The following PLCXD3 variants were observed in gnomAD, a reference collection of about 807,000 sequenced individuals.
PLCXD3 encodes PI-PLC X domain-containing protein 3.
Under a neutral mutation model 25.5 loss-of-function variants are expected in PLCXD3, and 19 were observed. The ratio of observed to expected loss-of-function variants is 0.75; its 90% CI spans 0.52 to 1.09. The LOEUF (loss-of-function observed/expected upper bound fraction) is 1.09. PLCXD3 is among the 50% of genes least tolerant of loss of function. The probability of loss-of-function intolerance (pLI) is 0.00; values close to 1 mark genes in which losing one functional copy is unlikely to be tolerated. For synonymous variants in PLCXD3, 174 were observed against 137.6 expected (o/e 1.26, Z -1.85); for missense variants, 411 against 388.1 (o/e 1.06, Z -0.50).
At chr5:41,362,511 T>G (rs1357623489) in intron 2 of PLCXD3, among the ~76,000 whole-genome samples, 1 of 152,216 alleles carries the variant, frequency 6.6e-6, no homozygotes, top group African/African-American at 2.4e-5. Flanking sequence ...AATATGTCTA[T>G]TATAGTCATG....
intron 2 of PLCXD3, among the ~76,000 whole-genome samples, chr5:41,361,670 AG>A (rs1744783558): frequency 6.6e-6 from 1 of 152,232 alleles, no homozygotes; most frequent in African/African-American, 2.4e-5. Flanking sequence ...GATAAATAAA[AG>A]GATGAATAAA....
chr5:41,417,928 T>C lies in PLCXD3; in HGVS notation c.104-35394A>G, dbSNP rs75920547. Reference sequence around the variant, plus strand: ...GGCCAAAGAAAATAGAATATCCTCATGTGTTATCTTATTTCACTACCTACT... The same window carrying C: ...GGCCAAAGAAAATAGAATATCCTCACGTGTTATCTTATTTCACTACCTACT... On this transcript the variant is annotated intron_variant, in intron 1 of 2. Transcript: ENST00000377801. Among the ~76,000 whole-genome samples the C allele has an allele frequency of 4.2e-4, 64 of 152,386 alleles. No individual in the cohort carries two copies. In the East Asian group the frequency reaches 0.012, roughly 29 times the overall value.
At chr5:41,480,051 G>A (rs1463678271) in intron 1 of PLCXD3, among the ~76,000 whole-genome samples, 2 of 152,110 alleles carry the variant, frequency 1.3e-5, no homozygotes, top group African/African-American at 4.8e-5. Flanking sequence ...ATGATTATCA[G>A]TTGATATTAT....
chr5:41,478,612 A>C (rs1231405257), intron 1 of PLCXD3, among the ~76,000 whole-genome samples: 1 of 152,232 alleles, frequency 6.6e-6, no homozygotes, highest in Non-Finnish European at 1.5e-5. Context: ...GAGACTATTT[A>C]CTTCTGTTTT....
intron 2 of PLCXD3, among the ~76,000 whole-genome samples, chr5:41,361,960 C>A (rs1208326137): frequency 6.6e-6 from 1 of 152,140 alleles, no homozygotes; most frequent in Admixed American, 6.5e-5. Context: ...ACCAACTAGA[C>A]CACCACGCTT....
chr5:41,432,472 T>C (rs6864210), intron 1 of PLCXD3, among the ~76,000 whole-genome samples: 17,697 of 152,264 alleles, frequency 0.12, 2,081 homozygotes, highest in African/African-American at 0.3. Context: ...ATGTACTGCA[T>C]TGAGGTTGTT....
chr5:41,373,106 C>A (rs1484730857), intron 2 of PLCXD3, among the ~76,000 whole-genome samples: 6 of 151,944 alleles, frequency 3.9e-5, no homozygotes, highest in East Asian at 1.9e-4. Context: ...ATTGGACATG[C>A]CTCGTTATAC....
chr5:41,492,668 C>G (rs185760090), intron 1 of PLCXD3, among the ~76,000 whole-genome samples: 4 of 152,172 alleles, frequency 2.6e-5, no homozygotes, highest in South Asian at 2.1e-4. Context: ...CTTCCCTTCT[C>G]GCTTCATTTC....
At chr5:41,442,958 T>C (rs1010203458) in intron 1 of PLCXD3, among the ~76,000 whole-genome samples, 13 of 151,958 alleles carry the variant, frequency 8.6e-5, no homozygotes, top group African/African-American at 3.1e-4. Context: ...AGAGTTCTCC[T>C]TATAATATAT....
At chr5:41,430,462 C>T (rs1747069133) in intron 1 of PLCXD3, among the ~76,000 whole-genome samples, 1 of 152,078 alleles carries the variant, frequency 6.6e-6, no homozygotes, top group African/African-American at 2.4e-5. Context: ...ATAGGTGTAG[C>T]TTGAAGGAAC....
chr5:41,357,588 A>G (rs1268263433), intron 2 of PLCXD3, among the ~76,000 whole-genome samples: 3 of 152,224 alleles, frequency 2.0e-5, no homozygotes, highest in African/African-American at 7.2e-5. Context: ...GCAGTCAACC[A>G]GTGCTTCTCA....
At chr5:41,341,444 A>G (rs1744145869) in intron 2 of PLCXD3, among the ~76,000 whole-genome samples, 1 of 152,210 alleles carries the variant, frequency 6.6e-6, no homozygotes, top group South Asian at 2.1e-4. Context: ...AATCACGACT[A>G]TGAATACTCA....
In PLCXD3 at chr5:41,309,155, C is replaced by T. The variant is rs866102784; in HGVS notation, c.*4462G>A. The T allele has an allele frequency of 7.2e-5, 11 of 152,498 alleles. No individual in the cohort carries two copies. Among genetic ancestry groups the T allele is most frequent in the Non-Finnish European group, 1.0e-4 (7 of 67,986 alleles). 9.4% of individuals were successfully genotyped at this position (152,498 alleles called of 1,614,324 possible). A position where few individuals can be genotyped will look rare whatever the true frequency, so the allele number is the denominator to read the frequency against. ...CACATACAAGCACATACTTTTGACTCATACAAATATACGTTTAAAACTATT... is the reference window on the plus strand; with the variant it reads ...CACATACAAGCACATACTTTTGACTTATACAAATATACGTTTAAAACTATT... On this transcript the variant is annotated 3_prime_UTR_variant, in exon 3 of 3. Transcript: ENST00000377801.
chr5:41,447,951 T>G (rs1747541537), intron 1 of PLCXD3, among the ~76,000 whole-genome samples: 1 of 152,172 alleles, frequency 6.6e-6, no homozygotes, highest in African/African-American at 2.4e-5. Context: ...TTGGCTGACA[T>G]GCAATATAAC....
At chr5:41,362,777 A>T (rs958284644) in intron 2 of PLCXD3, among the ~76,000 whole-genome samples, 1 of 152,166 alleles carries the variant, frequency 6.6e-6, no homozygotes. Flanking sequence ...CATGTAGTTT[A>T]TTATAGTGCT....
At chr5:41,381,739 G>T in intron 2 of PLCXD3, 87 bp downstream of exon 2, 1 of 1,258,624 alleles carries the variant, frequency 7.9e-7, no homozygotes, top group Non-Finnish European at 1.1e-6. Flanking sequence ...ATATACATAG[G>T]TATAATTTCA....
intron 2 of PLCXD3, among the ~76,000 whole-genome samples, chr5:41,372,515 C>G (rs1395366133): frequency 6.6e-6 from 1 of 152,042 alleles, no homozygotes; most frequent in East Asian, 1.9e-4. Flanking sequence ...TATGTGCACT[C>G]TTATTTCAAA....
chr5:41,333,870 C>T (rs1205548716), intron 2 of PLCXD3, among the ~76,000 whole-genome samples: 4 of 152,086 alleles, frequency 2.6e-5, no homozygotes, highest in Non-Finnish European at 1.5e-5. Flanking sequence ...AAACATTAAT[C>T]TGAATTTTCC....
chr5:41,452,266 C>A (rs1747650418), intron 1 of PLCXD3, among the ~76,000 whole-genome samples: 1 of 151,964 alleles, frequency 6.6e-6, no homozygotes, highest in African/African-American at 2.4e-5. Flanking sequence ...ATGTGCAGAA[C>A]CTTACTGAAT....
Sources: allele counts gnomAD v4.1 joint callset (sites outside exome capture counted in the v4.1 genomes callset), GRCh38; gene constraint gnomAD v4.1.1; transcripts MANE v1.5; gene names NCBI Gene and HGNC (gene_info 2026-07-23, HGNC 2026-07-21).